PTPRD: variants seen among roughly 807,000 people sequenced by gnomAD.
PTPRD encodes protein tyrosine phosphatase receptor type D.
Under a neutral mutation model 214.5 loss-of-function variants are expected in PTPRD, and 34 were observed. The ratio of observed to expected loss-of-function variants is 0.16; its 90% CI spans 0.12 to 0.21. PTPRD has a LOEUF of 0.21. Ranked by LOEUF, PTPRD falls within the 10% of genes least tolerant of loss-of-function variation. The pLI is 1.00. For missense variants in PTPRD, 2,545 were observed against 2,398.7 expected, an observed-to-expected ratio of 1.06 and a Z score of -1.27; for synonymous variants, 1,128 against 845.7, an observed-to-expected ratio of 1.33 and a Z score of -5.79.
chr9:10,249,551 A>G (rs10958973), intron 3 of PTPRD, among the ~76,000 whole-genome samples: 13,170 of 152,238 alleles, frequency 0.087, 670 homozygotes, highest in Non-Finnish European at 0.11. Context: ...TCACTGGCCA[A>G]CTATAAGTTA....
Position 10,427,706 on chromosome 9 carries a change from T to C in PTPRD, c.-599-86689A>G, listed in dbSNP as rs550466355. Among the ~76,000 whole-genome samples the C allele has an allele frequency of 3.3e-5, 5 of 152,156 alleles. No homozygotes were observed. The East Asian group carries it at 7.8e-4, about 24-fold the overall frequency. On this transcript the variant is annotated intron_variant, in intron 2 of 45. Coordinates refer to ENST00000381196, the MANE Select transcript of PTPRD (RefSeq NM_002839.4). Reference sequence around the variant, plus strand: ...AGTCACTTTCAATGGAAAGCTTCCCTTGGATATAGCAAAAAAAAGAAACCA... The same window carrying C: ...AGTCACTTTCAATGGAAAGCTTCCCCTGGATATAGCAAAAAAAAGAAACCA...
intron 9 of PTPRD, among the ~76,000 whole-genome samples, chr9:9,300,225 A>G (rs953951102): frequency 6.6e-6 from 1 of 151,404 alleles, no homozygotes; most frequent in Non-Finnish European, 1.5e-5. Context: ...TACTTGGGAT[A>G]AAATTCAAGA....
At chr9:10,031,669 C>CACACACACACACAT (rs1567200049) in intron 4 of PTPRD, among the ~76,000 whole-genome samples, 1 of 127,236 alleles carries the variant, frequency 7.9e-6, no homozygotes, top group African/African-American at 3.6e-5. Flanking sequence ...CACACACATA[C>CACACACACACACAT]ACACACACAC....
chr9:10,032,141 T>A (rs985825919), intron 4 of PTPRD, among the ~76,000 whole-genome samples: 2 of 152,190 alleles, frequency 1.3e-5, no homozygotes, highest in African/African-American at 4.8e-5. Flanking sequence ...AAGGAAGTTA[T>A]CTGATACACT....
intron 3 of PTPRD, among the ~76,000 whole-genome samples, chr9:10,309,419 C>G (rs374943253): frequency 1.3e-5 from 2 of 152,092 alleles, no homozygotes; most frequent in East Asian, 3.9e-4. Context: ...ATGGCACAAT[C>G]TCGACTCACT....
intron 9 of PTPRD, among the ~76,000 whole-genome samples, chr9:9,200,187 A>C (rs1442409958): frequency 7.2e-5 from 11 of 152,178 alleles, no homozygotes; most frequent in Non-Finnish European, 1.5e-4. Flanking sequence ...AAAACAAAAC[A>C]AAACCATGAA....
At chr9:8,449,993 C>T (rs182089586) in intron 33 of PTPRD, 156 bp from the exon 34 acceptor site, 6 of 655,194 alleles carry the variant, frequency 9.2e-6, no homozygotes, top group East Asian at 2.8e-5. Flanking sequence ...GGTTGCTTTT[C>T]CCCCCTGGCC....
intron 39 of PTPRD, among the ~76,000 whole-genome samples, chr9:8,348,417 T>C (rs7857177): frequency 0.47 from 70,765 of 151,978 alleles, 20,173 homozygotes; most frequent in Non-Finnish European, 0.64. Context: ...TCTTTACATA[T>C]GACCAACAAC....
intron 14 of PTPRD, among the ~76,000 whole-genome samples, chr9:8,576,762 A>C (rs1364908231): frequency 6.6e-6 from 1 of 152,032 alleles, no homozygotes; most frequent in Non-Finnish European, 1.5e-5. Context: ...CCAAACCTTC[A>C]CAGATATGTT....
At chr9:9,306,065 A>T (rs1957032508) in intron 9 of PTPRD, among the ~76,000 whole-genome samples, 1 of 152,200 alleles carries the variant, frequency 6.6e-6, no homozygotes, top group South Asian at 2.1e-4. Flanking sequence ...AGAGTACAAT[A>T]AGAGAACATC....
intron 3 of PTPRD, among the ~76,000 whole-genome samples, chr9:10,237,593 T>C (rs1428642232): frequency 6.6e-6 from 1 of 151,972 alleles, no homozygotes; most frequent in Admixed American, 6.6e-5. Context: ...ACAAAAATTC[T>C]CCAAATGTTT....
intron 14 of PTPRD, among the ~76,000 whole-genome samples, chr9:8,611,678 C>T (rs985185483): frequency 6.7e-6 from 1 of 150,190 alleles, no homozygotes; most frequent in Non-Finnish European, 1.5e-5. Context: ...CACTGCACTC[C>T]AGCCTGAGTG....
chr9:9,042,583 T>C (rs949489292), intron 10 of PTPRD, among the ~76,000 whole-genome samples: 16 of 150,816 alleles, frequency 1.1e-4, no homozygotes, highest in African/African-American at 3.9e-4. Context: ...TGAGAGAAAA[T>C]ACTAGCCACT....
At chr9:8,967,703 C>T (rs935546293) in intron 11 of PTPRD, among the ~76,000 whole-genome samples, 2 of 152,030 alleles carry the variant, frequency 1.3e-5, no homozygotes, top group African/African-American at 2.4e-5. Context: ...CTGAAATATA[C>T]GTATGTTATT....
intron 14 of PTPRD, among the ~76,000 whole-genome samples, chr9:8,582,560 A>T (rs1199736639): frequency 6.6e-6 from 1 of 151,540 alleles, no homozygotes; most frequent in Non-Finnish European, 1.5e-5. Context: ...GAACAATGAT[A>T]TAATAGGGAA....
chr9:9,144,239 C>G (rs1005911088), intron 10 of PTPRD, among the ~76,000 whole-genome samples: 2 of 152,170 alleles, frequency 1.3e-5, no homozygotes, highest in African/African-American at 4.8e-5. Flanking sequence ...TGTGATCAGA[C>G]ATTTACAAGG....
intron 8 of PTPRD, among the ~76,000 whole-genome samples, chr9:9,458,224 C>A (rs1411967448): frequency 6.6e-6 from 1 of 151,894 alleles, no homozygotes; most frequent in Non-Finnish European, 1.5e-5. Flanking sequence ...TAACATGAGA[C>A]TTTAATAAAT....
intron 3 of PTPRD, among the ~76,000 whole-genome samples, chr9:10,282,883 C>T (rs1596099162): frequency 6.6e-6 from 1 of 152,190 alleles, no homozygotes; most frequent in East Asian, 1.9e-4. Context: ...CTCAAAGAAA[C>T]CTTCCTTGAA....
chr9:8,496,204 AC>A (rs1554641854), intron 26 of PTPRD, among the ~76,000 whole-genome samples: 7,227 of 143,336 alleles, frequency 0.05, 218 homozygotes, highest in South Asian at 0.096. Context: ...ACACACACAC[AC>A]ACACAAACAC....
Sources: allele counts gnomAD v4.1 joint callset (sites outside exome capture counted in the v4.1 genomes callset), GRCh38; gene constraint gnomAD v4.1.1; transcripts MANE v1.5; gene names NCBI Gene and HGNC (gene_info 2026-07-23, HGNC 2026-07-21).